Variants in UGT2A2 observed in about 807,000 individuals in gnomAD.
The protein encoded by UGT2A2 is UDP-glucuronosyltransferase 2A2.
Under a neutral mutation model 50.7 loss-of-function variants are expected in UGT2A2, and 60 were observed. The observed-to-expected ratio is 1.18, with a 90% confidence interval of 0.96 to 1.47. The LOEUF (loss-of-function observed/expected upper bound fraction) is 1.47. UGT2A2 is among the 40% of genes most tolerant of loss of function. UGT2A2 has a pLI of 0.00. For missense variants in UGT2A2, 762 were observed against 634.0 expected, an observed-to-expected ratio of 1.20 and a Z score of -2.17; for synonymous variants, 242 against 214.6, an observed-to-expected ratio of 1.13 and a Z score of -1.11.
At chr4:69,606,011 C>A (rs1437676733) in intron 1 of UGT2A2, among the ~76,000 whole-genome samples, 3 of 136,476 alleles carry the variant, frequency 2.2e-5, no homozygotes, top group Admixed American at 2.2e-4. Context: ...GGAGCTGGTA[C>A]CATTCCTTCT....
At chr4:69,595,723 T>A (rs922732826) in intron 3 of UGT2A2, among the ~76,000 whole-genome samples, 2 of 152,228 alleles carry the variant, frequency 1.3e-5, no homozygotes, top group African/African-American at 4.8e-5. Flanking sequence ...TGTTGGACTA[T>A]AATATTTGAA....
In UGT2A2 at chr4:69,619,420, C is replaced by CATAAAATAAAATAAAATAAA. The variant is rs146525091; in HGVS notation, c.742+19459_742+19478dup. ...GTCTTAATGCATACATACATAAATACATAAAATAAAATAAAATAAAATAAA... is the reference window on the plus strand; with the variant it reads ...GTCTTAATGCATACATACATAAATACATAAAATAAAATAAAATAAAATAAAATAAAATAAAATAAAATAAA... On this transcript the variant is annotated intron_variant, in intron 1 of 5. Transcript: ENST00000604629. Among the ~76,000 whole-genome samples, 59 of 149,406 alleles carry CATAAAATAAAATAAAATAAA rather than the reference C, an allele frequency of 3.9e-4. 1 individual carries two copies. The highest frequency in any genetic ancestry group is 1.4e-3 in the African/African-American group (58 of 40,460).
Position 69,599,241 on chromosome 4 carries a change from C to A in UGT2A2, c.891+5G>T. ...GCATAAAATCCTCCACTGTTGTAGA[C>A]CTACCTTAGGTAAAGGTTTGGCAGG... On this transcript the variant is annotated splice_donor_5th_base_variant and intron_variant, in intron 2 of 5. Transcript: ENST00000604629. 6.2e-7 allele frequency: 1 copy of A among 1,612,454 alleles called. No individual in the cohort carries two copies. The highest frequency in any genetic ancestry group is 1.1e-5 in the South Asian group (1 of 90,882).
At chr4:69,597,864 C>T (rs930882454) in intron 2 of UGT2A2, among the ~76,000 whole-genome samples, 6 of 151,914 alleles carry the variant, frequency 3.9e-5, no homozygotes, top group Non-Finnish European at 8.8e-5. Context: ...GCAATATAAC[C>T]CATGGTTGGT....
intron 1 of UGT2A2, among the ~76,000 whole-genome samples, chr4:69,622,465 G>T (rs1381015165): frequency 2.0e-5 from 3 of 151,632 alleles, no homozygotes; most frequent in African/African-American, 7.3e-5. Flanking sequence ...ATTTTTATGT[G>T]TAAGAAAACC....
At position 69,639,216 on chromosome 4, in the gene UGT2A2, G is replaced by T. The variant is rs1721907458; in HGVS notation, c.425C>A (p.Pro142Gln). The change falls in exon 1 of 6, where the codon CCA becomes CAA. Residue 142 changes from proline to glutamine, a missense_variant. By Grantham distance (76) the Pro-to-Gln change is moderately conservative. Transcript: ENST00000604629. The part of the protein sequence containing the change: ...IQLCDGVLKN[P>Q]KLMARLQKGG... ...TTTCTGAAGTCTTGCCATCAACTTT[G>T]GGTTCTTTAGTACACCATCACAGAG... The T allele has an allele frequency of 6.2e-7, 1 of 1,613,492 alleles. No individual in the cohort carries two copies. Among genetic ancestry groups the T allele is most frequent in the Non-Finnish European group, 8.5e-7 (1 of 1,179,750 alleles).
rs575455885 is a variant in UGT2A2 at position 69,607,403 on chromosome 4, T to A, written c.743-8009A>T. On this transcript the variant is annotated intron_variant, in intron 1 of 5. Transcript: ENST00000604629. ...GAACCTGGATCCCTTCCTTACACCT[T>A]ATACAAAAATTAATTCAAGCTGGAT... Among the ~76,000 whole-genome samples the A allele has an allele frequency of 9.9e-5, 15 of 151,974 alleles. No homozygotes were observed. The East Asian group carries it at 1.7e-3, about 18-fold the overall frequency.
intron 1 of UGT2A2, among the ~76,000 whole-genome samples, chr4:69,630,873 A>G (rs1283836595): frequency 6.6e-6 from 1 of 152,028 alleles, no homozygotes; most frequent in Non-Finnish European, 1.5e-5. Context: ...TCAATTATAC[A>G]TATATTATAT....
At chr4:69,589,719 T>TGATAC in intron 5 of UGT2A2, 68 bp from the exon 6 acceptor site, 1 of 1,542,388 alleles carries the variant, frequency 6.5e-7, no homozygotes, top group Non-Finnish European at 8.7e-7. Context: ...GATAAATATG[T>TGATAC]GATACACTTT....
chr4:69,588,581 T>C lies in UGT2A2; in HGVS notation c.*791A>G, dbSNP rs2109867691. ...AAAAATTTTATAAAAATGATAATTA[T>C]TTTCTAGATTTCTAATTGTTATATC... On this transcript the variant is annotated 3_prime_UTR_variant, in exon 6 of 6. Coordinates refer to ENST00000604629, the MANE Select transcript of UGT2A2 (RefSeq NM_001105677.2). 1 of 152,104 alleles carries C rather than the reference T, an allele frequency of 6.6e-6. No individual in the cohort carries two copies. Among genetic ancestry groups the C allele is most frequent in the East Asian group, 1.9e-4 (1 of 5,188 alleles). 9.4% of individuals were successfully genotyped at this position (152,104 alleles called of 1,614,324 possible). A position where few individuals can be genotyped will look rare whatever the true frequency, so the allele number is the denominator to read the frequency against.
At chr4:69,615,265 T>C (rs1269315691) in intron 1 of UGT2A2, among the ~76,000 whole-genome samples, 1 of 151,996 alleles carries the variant, frequency 6.6e-6, no homozygotes, top group Non-Finnish European at 1.5e-5. Flanking sequence ...ATCTCACTGA[T>C]TTAAAACCCG....
At chr4:69,631,376 TTAG>T (rs1195000616) in intron 1 of UGT2A2, among the ~76,000 whole-genome samples, 1 of 152,072 alleles carries the variant, frequency 6.6e-6, no homozygotes, top group African/African-American at 2.4e-5. Flanking sequence ...ATTGTGAAAA[TTAG>T]TAATAATAAT....
At chr4:69,609,424 T>A (rs762571590) in intron 1 of UGT2A2, among the ~76,000 whole-genome samples, 6 of 152,132 alleles carry the variant, frequency 3.9e-5, no homozygotes, top group Admixed American at 6.6e-5. Context: ...GGCCTCAAAC[T>A]CCTGGGCTCA....
intron 1 of UGT2A2, among the ~76,000 whole-genome samples, chr4:69,625,177 T>C (rs1375018602): frequency 6.6e-6 from 1 of 151,024 alleles, no homozygotes. Flanking sequence ...TTTTTTTTCT[T>C]TGCTAGATGA....
At position 69,591,141 on chromosome 4, in the gene UGT2A2, G is replaced by T. The variant is rs1471552404; in HGVS notation, c.1332-1490C>A. ...GCATCAATAGTTTTGTCAATGAAAT[G>T]AATCAAAATCTAAAATATTTGAAGA... On this transcript the variant is annotated intron_variant, in intron 5 of 5. Transcript: ENST00000604629. Among the ~76,000 whole-genome samples the T allele has an allele frequency of 3.3e-5, 5 of 152,178 alleles. No individual in the cohort carries two copies. In the East Asian group the frequency reaches 9.7e-4, roughly 29 times the overall value.
chr4:69,635,316 G>C (rs770748515), intron 1 of UGT2A2, among the ~76,000 whole-genome samples: 1 of 152,072 alleles, frequency 6.6e-6, no homozygotes, highest in Non-Finnish European at 1.5e-5. Flanking sequence ...CTGCTCTCCC[G>C]ATCTACAGTG....
At chr4:69,598,914 T>C (rs925408893) in intron 2 of UGT2A2, among the ~76,000 whole-genome samples, 15 of 152,306 alleles carry the variant, frequency 9.8e-5, no homozygotes, top group African/African-American at 3.6e-4. Context: ...TTACTGTTCA[T>C]AATGCTATGT....
At chr4:69,596,767 C>T (rs1718957957) in intron 2 of UGT2A2, among the ~76,000 whole-genome samples, 1 of 152,212 alleles carries the variant, frequency 6.6e-6, no homozygotes, top group Non-Finnish European at 1.5e-5. Context: ...AGTGATCCAC[C>T]TGCCTTGGTC....
At position 69,639,518 on chromosome 4, in the gene UGT2A2, A is replaced by T. The variant is rs1367054812; in HGVS notation, c.123T>A (p.His41Gln). Residue 41 changes from histidine (H) to glutamine (Q), a missense_variant, in exon 1 of 6, where the codon CAT (histidine) becomes CAA (glutamine). By Grantham distance (24) the His-to-Gln change is conservative (BLOSUM62 0). Coordinates refer to ENST00000604629, the MANE Select transcript of UGT2A2 (RefSeq NM_001105677.2). ...CTAGAATAATCTTAATATTTAACCA[A>T]TGGCTACCATCTGTAGGCCAAATTA... ...NVLIWPTDGS[H>Q]WLNIKIILEE... 6.2e-6 allele frequency: 10 copies of T among 1,613,340 alleles called. No individual in the cohort carries two copies. Among genetic ancestry groups the T allele is most frequent in the Non-Finnish European group, 8.5e-6 (10 of 1,179,564 alleles).
Sources: gnomAD v4.1 joint callset for allele counts (sites outside exome capture counted in the v4.1 genomes callset) on GRCh38, gnomAD v4.1.1 for gene constraint, MANE v1.5 for transcripts, NCBI Gene and HGNC (gene_info 2026-07-23, HGNC 2026-07-21) for gene names.